The following AKR1C8 variants were observed in gnomAD, a reference collection of about 807,000 sequenced individuals.
AKR1C8 encodes the protein aldo-keto reductase family 1 member C-like protein 1.
the AKR1C8 span, among the ~76,000 whole-genome samples, chr10:5,148,110 A>C: frequency 6.6e-6 from 1 of 152,046 alleles, no homozygotes; most frequent in Non-Finnish European, 1.5e-5. Flanking sequence ...GACTCAAGGG[A>C]CTAGGTGGCT....
chr10:5,161,854 AC>A, the AKR1C8 span: 1 of 534,566 alleles, frequency 1.9e-6, no homozygotes, highest in Non-Finnish European at 3.8e-6. Context: ...ACAAAAGCTG[AC>A]CTTCATAGCA....
At chr10:5,120,875 T>C in the AKR1C8 span, among the ~76,000 whole-genome samples, 2 of 152,094 alleles carry the variant, frequency 1.3e-5, no homozygotes, top group Non-Finnish European at 2.9e-5. Context: ...CAGTTTGGAG[T>C]GTAGAAGTGG....
At chr10:5,145,859 A>C in the AKR1C8 span, among the ~76,000 whole-genome samples, 21 of 152,166 alleles carry the variant, frequency 1.4e-4, no homozygotes, top group Admixed American at 2.6e-4. Context: ...TATATACCCA[A>C]AGGATTATAA....
chr10:5,126,921 A>C, the AKR1C8 span, among the ~76,000 whole-genome samples: 1 of 152,166 alleles, frequency 6.6e-6, no homozygotes, highest in East Asian at 1.9e-4. Flanking sequence ...AAAAGGGAAA[A>C]AAGACATTAA....
chr10:5,119,528 TTC>T, the AKR1C8 span, among the ~76,000 whole-genome samples: 4 of 152,204 alleles, frequency 2.6e-5, no homozygotes, highest in Admixed American at 6.5e-5. Flanking sequence ...ATTATTTTTG[TTC>T]TCTATCTTTT....
the AKR1C8 span, among the ~76,000 whole-genome samples, chr10:5,131,051 T>A: frequency 6.6e-6 from 1 of 151,932 alleles, no homozygotes; most frequent in Non-Finnish European, 1.5e-5. Flanking sequence ...AATACTGATC[T>A]TTGATAAAGC....
At chr10:5,178,466 G>A in the AKR1C8 span, among the ~76,000 whole-genome samples, 158 of 152,256 alleles carry the variant, frequency 1.0e-3, no homozygotes, top group African/African-American at 3.6e-3. Context: ...GTTGATTTTG[G>A]GTGGAGAGTT....
At chr10:5,168,404 A>G in the AKR1C8 span, among the ~76,000 whole-genome samples, 1 of 152,064 alleles carries the variant, frequency 6.6e-6, no homozygotes, top group Admixed American at 6.6e-5. Context: ...CAATTCCTCC[A>G]GTTCTACCAC....
chr10:5,162,991 G>GA, the AKR1C8 span: 6 of 534,140 alleles, frequency 1.1e-5, no homozygotes, highest in East Asian at 3.3e-4. Flanking sequence ...TAGCCACTTT[G>GA]GTGGCCTCGG....
the AKR1C8 span, among the ~76,000 whole-genome samples, chr10:5,120,710 T>C: frequency 1.3e-5 from 2 of 152,186 alleles, no homozygotes; most frequent in Non-Finnish European, 2.9e-5. Context: ...AAAAATGTCT[T>C]CTCTCAGAAT....
chr10:5,127,833 A>G, the AKR1C8 span, among the ~76,000 whole-genome samples: 1 of 152,070 alleles, frequency 6.6e-6, no homozygotes, highest in African/African-American at 2.4e-5. Context: ...GGGAGAAGAG[A>G]AGTCTAAAAG....
the AKR1C8 span, among the ~76,000 whole-genome samples, chr10:5,173,689 A>G: frequency 4.6e-5 from 7 of 151,976 alleles, no homozygotes; most frequent in African/African-American, 1.7e-4. Context: ...CTTTCTCCCT[A>G]TACAAACCAA....
the AKR1C8 span, among the ~76,000 whole-genome samples, chr10:5,146,133 G>A: frequency 5.4e-5 from 8 of 147,552 alleles, no homozygotes; most frequent in Admixed American, 5.5e-4. Context: ...TCACTCATAG[G>A]TGGGAATTGA....
the AKR1C8 span, among the ~76,000 whole-genome samples, chr10:5,128,981 A>G: frequency 0.39 from 59,566 of 151,860 alleles, 12,477 homozygotes; most frequent in Non-Finnish European, 0.43. Context: ...CGGAACATAC[A>G]TTCTTATCAG....
chr10:5,168,144 C>T, the AKR1C8 span, among the ~76,000 whole-genome samples: 6 of 152,078 alleles, frequency 3.9e-5, no homozygotes, highest in Non-Finnish European at 5.9e-5. Context: ...CTAGATCTTT[C>T]CTGCACACAG....
chr10:5,185,138 C>T, the AKR1C8 span: 1 of 534,208 alleles, frequency 1.9e-6, no homozygotes, highest in South Asian at 1.4e-5. Flanking sequence ...CTTTTCCTCA[C>T]TGACAGCCCA....
the AKR1C8 span, among the ~76,000 whole-genome samples, chr10:5,148,360 C>A: frequency 5.9e-5 from 9 of 152,170 alleles, no homozygotes; most frequent in African/African-American, 1.9e-4. Context: ...AATAATTGAT[C>A]TTATTGTAAA....
chr10:5,177,205 C>G, the AKR1C8 span, among the ~76,000 whole-genome samples: 1 of 151,924 alleles, frequency 6.6e-6, no homozygotes, highest in Non-Finnish European at 1.5e-5. Flanking sequence ...TGAATTTTGT[C>G]AAAGGCCTTT....
the AKR1C8 span, among the ~76,000 whole-genome samples, chr10:5,177,576 G>C: frequency 0.19 from 28,241 of 152,074 alleles, 3,584 homozygotes; most frequent in East Asian, 0.63. Context: ...CCTTGTACCT[G>C]TGGTAGAATT....
Sources: allele counts gnomAD v4.1 joint callset (sites outside exome capture counted in the v4.1 genomes callset), GRCh38; gene constraint gnomAD v4.1.1; transcripts MANE v1.5; gene names NCBI Gene and HGNC (gene_info 2026-07-23, HGNC 2026-07-21).